The following JAG1 variants were observed in gnomAD, a reference collection of about 807,000 sequenced individuals.
JAG1 encodes the protein protein jagged-1.
JAG1 carries 23 observed loss-of-function variants against 148.7 expected under a neutral mutation model. The observed-to-expected ratio is 0.15, with a 90% CI of 0.11 to 0.22. The LOEUF is 0.22. Ranked by LOEUF, JAG1 falls within the 10% of genes least tolerant of loss-of-function variation. The pLI, the probability that JAG1 is intolerant of heterozygous loss-of-function variation, is 1.00. For synonymous variants in JAG1, 572 were observed against 598.3 expected (o/e 0.96, Z 0.64); for missense variants, 1,054 against 1,611.2 (o/e 0.65, Z 5.92).
At chr20:10,644,550 T>C in intron 18 of JAG1, 166 bp from the exon 19 acceptor site, 4 of 695,976 alleles carry the variant, frequency 5.7e-6, no homozygotes, top group Non-Finnish European at 1.0e-5. Flanking sequence ...ACACTTAGTT[T>C]CATTTGCTGT....
chr20:10,651,093 C>T (rs746768), intron 8 of JAG1: 8,045 of 159,838 alleles, frequency 0.05, 490 homozygotes, highest in East Asian at 0.17. Context: ...ATGGACTCCC[C>T]GATTCTGGAG....
In JAG1 at chr20:10,649,094, G is replaced by A; in HGVS notation, c.1362C>T (p.Cys454=). 6.2e-7 allele frequency: 1 copy of A among 1,606,966 alleles called. No homozygotes were observed. The highest frequency in any genetic ancestry group is 8.5e-7 in the Non-Finnish European group (1 of 1,173,566). Residue 454 remains cysteine (C), a synonymous_variant, in exon 11 of 26, where the codon TGC becomes TGT. Transcript: ENST00000254958. The part of the protein sequence containing the change: ...GQNCDININD[C]LGQCQNDASC... ...AGGCGTCATTCTGACACTGGCCAAG[G>A]CAGTCATTAATATCTAAAAAATAAA...
At chr20:10,651,312 C>T (rs2067344670) in intron 8 of JAG1, 1 of 422,908 alleles carries the variant, frequency 2.4e-6, no homozygotes, top group East Asian at 4.0e-5. Flanking sequence ...GGAAGGTGGC[C>T]AGCTCCAGGA....
chr20:10,645,539 C>T lies in JAG1; in HGVS notation c.2000-70G>A. On this transcript the variant is annotated intron_variant, in intron 15 of 25. Transcript: ENST00000254958. The surrounding 1 kb of genome is among the most constrained non-coding windows in gnomAD (Gnocchi z 6.1). ...CCATTCACGACAGGCGAGAGCCAAGCCTTTCCTACTGCTTACATCCAACAT... is the reference window on the plus strand; with the variant it reads ...CCATTCACGACAGGCGAGAGCCAAGTCTTTCCTACTGCTTACATCCAACAT... 8.5e-7 allele frequency: 1 copy of T among 1,182,924 alleles called. No homozygotes were observed. The highest frequency in any genetic ancestry group is 1.2e-5 in the South Asian group (1 of 82,478). 73.3% of individuals were successfully genotyped at this position (1,182,924 alleles called of 1,614,324 possible). A position where few individuals can be genotyped will look rare whatever the true frequency, so the allele number is the denominator to read the frequency against.
At chr20:10,655,792 T>C (rs2067374908) in intron 5 of JAG1, among the ~76,000 whole-genome samples, 2 of 152,122 alleles carry the variant, frequency 1.3e-5, no homozygotes, top group African/African-American at 4.8e-5. Context: ...CATCGTGAAG[T>C]GGTCAGGGCA....
At chr20:10,642,929 T>C (rs1332200025) in intron 20 of JAG1, among the ~76,000 whole-genome samples, 1 of 152,234 alleles carries the variant, frequency 6.6e-6, no homozygotes, top group Non-Finnish European at 1.5e-5. Context: ...TTAGGCTTTG[T>C]GGGGTATATA....
chr20:10,644,562 G>C (rs2067295048), intron 18 of JAG1, 178 bp from the exon 19 acceptor site: 4 of 685,866 alleles, frequency 5.8e-6, no homozygotes, highest in Non-Finnish European at 8.0e-6. Flanking sequence ...ATTTGCTGTG[G>C]GACACATGTA....
chr20:10,647,043 A>G lies in JAG1; in HGVS notation c.1781T>C (p.Ile594Thr). Residue 594 changes from isoleucine (I) to threonine (T), a missense_variant, in exon 14 of 26, where the codon ATT becomes ACT. Ile to Thr is a moderately conservative substitution (Grantham distance 89). This residue lies in a region of JAG1 where 245 missense variants were observed against 373.1 expected (regional missense o/e 0.66). Transcript: ENST00000254958. ...SNDTPEGVRY[I>T]SSNVCGPHGK... The stretch of plus-strand genomic sequence containing the variant: ...GTGAGGACCACAGACGTTGGAGGAA[A>G]TATACCGCACCCCTTCAGGTGTGTC... 6.2e-7 allele frequency: 1 copy of G among 1,614,232 alleles called. No homozygotes were observed. The highest frequency in any genetic ancestry group is 8.5e-7 in the Non-Finnish European group (1 of 1,180,050).
At position 10,638,365 on chromosome 20, in the gene JAG1, T is replaced by G. The variant is rs1236626529; in HGVS notation, c.*1133A>C. 1.3e-5 allele frequency: 2 copies of G among 152,614 alleles called. No homozygotes were observed. Among genetic ancestry groups the G allele is most frequent in the Non-Finnish European group, 2.9e-5 (2 of 68,030 alleles). 9.5% of individuals were successfully genotyped at this position (152,614 alleles called of 1,614,324 possible). A position where few individuals can be genotyped will look rare whatever the true frequency, so the allele number is the denominator to read the frequency against. ...TGAAAAGAAATCAGAATTTACAAAG[T>G]AAGATTGGTGTGCTTCCAAGTTCAC... On this transcript the variant is annotated 3_prime_UTR_variant, in exon 26 of 26. Transcript: ENST00000254958.
chr20:10,666,223 C>T (rs778437893), intron 2 of JAG1, among the ~76,000 whole-genome samples: 1 of 152,190 alleles, frequency 6.6e-6, no homozygotes, highest in Non-Finnish European at 1.5e-5. Flanking sequence ...CAACCTCCCA[C>T]TCCATCCCCA....
intron 12 of JAG1, among the ~76,000 whole-genome samples, 198 bp from the exon 13 acceptor site, chr20:10,648,308 G>A (rs947286361): frequency 1.3e-5 from 2 of 152,082 alleles, no homozygotes; most frequent in Non-Finnish European, 2.9e-5. Flanking sequence ...AGTGGGAGAG[G>A]GAGCACAAGA....
chr20:10,654,001 A>G (rs1417989534), intron 5 of JAG1, among the ~76,000 whole-genome samples: 1 of 151,458 alleles, frequency 6.6e-6, no homozygotes, highest in East Asian at 1.9e-4. Context: ...TAAGATAAGA[A>G]CAAAATTACA....
rs373846021 is a variant in JAG1, at chr20:10,639,588, C to T, written c.3567G>A (p.Thr1189=). The change falls in exon 26 of 26, where the codon ACG becomes ACA. Residue 1189 remains threonine, a synonymous_variant. Transcript: ENST00000254958. ...VDREEKPPNG[T]PTKHPNWTNK... Reference sequence around the variant, plus strand: ...TTGTCCAGTTTGGGTGTTTTGTCGGCGTGCCGTTGGGGGGCTTCTCTTCTC... The same window carrying T: ...TTGTCCAGTTTGGGTGTTTTGTCGGTGTGCCGTTGGGGGGCTTCTCTTCTC... 7.8e-5 allele frequency: 126 copies of T among 1,614,064 alleles called. 1 individual carries two copies. Among genetic ancestry groups the T allele is most frequent in the Admixed American group, 1.8e-4 (11 of 60,008 alleles).
chr20:10,640,701 T>A, intron 25 of JAG1, 82 bp downstream of exon 25: 10 of 1,456,746 alleles, frequency 6.9e-6, no homozygotes, highest in Non-Finnish European at 9.6e-6. Flanking sequence ...TGCCAGATAA[T>A]CCCTCGACCT....
At chr20:10,640,738 G>A (rs367848285) in intron 25 of JAG1, 45 bp downstream of exon 25, 4 of 1,583,420 alleles carry the variant, frequency 2.5e-6, no homozygotes, top group Non-Finnish European at 3.5e-6. Flanking sequence ...AGTATAATGA[G>A]ATCATCTACT....
intron 2 of JAG1, among the ~76,000 whole-genome samples, chr20:10,670,254 A>T (rs1250207545): frequency 6.6e-6 from 1 of 152,192 alleles, no homozygotes; most frequent in Admixed American, 6.5e-5. Context: ...GACCTTCTAC[A>T]CTGACCTACC....
Position 10,646,042 on chromosome 20 carries a change from G to C in JAG1, c.1928C>G (p.Thr643Ser). 1 of 1,614,064 alleles carries C rather than the reference G, an allele frequency of 6.2e-7. No homozygotes were observed. The highest frequency in any genetic ancestry group is 8.5e-7 in the Non-Finnish European group (1 of 1,179,944). ...GTAGGAGTTGACACCATCGATGCAA[G>C]TGCCACCGTTTCTACAAGGGTTGCT... The part of the protein sequence containing the change: ...CESNPCRNGG[T>S]CIDGVNSYKC... Residue 643 changes from threonine to serine, a missense_variant, in exon 15 of 26, where the codon ACT becomes AGT. Physicochemically the swap from Thr to Ser is moderately conservative, Grantham distance 58 (BLOSUM62 1). Coordinates refer to ENST00000254958, the MANE Select transcript of JAG1 (RefSeq NM_000214.3).
At position 10,641,252 on chromosome 20, in the gene JAG1, G is replaced by T. The variant is rs863223659; in HGVS notation, c.2917-8C>A. 1 of 1,613,470 alleles carries T rather than the reference G, an allele frequency of 6.2e-7. No homozygotes were observed. The highest frequency in any genetic ancestry group is 1.1e-5 in the South Asian group (1 of 90,972). Reference sequence around the variant, plus strand: ...GTGCTCCGTAGTAAGACCCTAAAACGATTTTTAAAAACCCACACACGTGTA... The same window carrying T: ...GTGCTCCGTAGTAAGACCCTAAAACTATTTTTAAAAACCCACACACGTGTA... On this transcript the variant is annotated splice_region_variant and splice_polypyrimidine_tract_variant and intron_variant, in intron 23 of 25. Transcript: ENST00000254958.
chr20:10,649,499 A>G, intron 10 of JAG1, 23 bp downstream of exon 10: 1 of 1,488,860 alleles, frequency 6.7e-7, no homozygotes, highest in South Asian at 1.1e-5. Flanking sequence ...CATGAAAATC[A>G]AAATGGAAAC....
Sources: allele counts gnomAD v4.1 joint callset (sites outside exome capture counted in the v4.1 genomes callset), GRCh38; gene constraint gnomAD v4.1.1; regional missense constraint gnomAD v4.1.1; non-coding constraint Gnocchi (gnomAD v3.1); transcripts MANE v1.5; gene names NCBI Gene and HGNC (gene_info 2026-07-23, HGNC 2026-07-21).